Variants in KLF7 observed in about 807,000 individuals in gnomAD.
The protein encoded by KLF7 is KLF transcription factor 7.
Under a neutral mutation model 27.3 loss-of-function variants are expected in KLF7, and 2 were observed. The observed-to-expected ratio is 0.07, with a 90% confidence interval of 0.03 to 0.23. The LOEUF (loss-of-function observed/expected upper bound fraction) is 0.23, where lower values mean the gene tolerates loss of function less well. Ranked by LOEUF, KLF7 falls within the 10% of genes least tolerant of loss-of-function variation. The probability of loss-of-function intolerance (pLI) is 1.00; values close to 1 mark genes in which losing one functional copy is unlikely to be tolerated. For synonymous variants in KLF7, 165 were observed against 162.4 expected, an observed-to-expected ratio of 1.02 and a Z score of -0.12; for missense variants, 221 against 394.1, an observed-to-expected ratio of 0.56 and a Z score of 3.72.
chr2:207,172,205 G>C (rs1421894501), upstream of KLF7, among the ~76,000 whole-genome samples: 1 of 152,046 alleles, frequency 6.6e-6, no homozygotes, highest in Non-Finnish European at 1.5e-5. Context: ...GTCACTCTCT[G>C]ACCTCCTCCC....
chr2:207,104,481 T>C (rs982210723), intron 2 of KLF7, among the ~76,000 whole-genome samples: 2 of 152,246 alleles, frequency 1.3e-5, no homozygotes, highest in African/African-American at 4.8e-5. Context: ...TAGGGTTTTT[T>C]AAATCCAAGT....
chr2:207,117,759 T>C (rs948662254), intron 2 of KLF7, among the ~76,000 whole-genome samples: 2 of 152,194 alleles, frequency 1.3e-5, no homozygotes, highest in Non-Finnish European at 2.9e-5. Context: ...TACTATCACA[T>C]TGACATCATT....
At chr2:207,113,600 T>TGGGG (rs1165302237) in intron 2 of KLF7, among the ~76,000 whole-genome samples, 6 of 2,444 alleles carry the variant, frequency 2.5e-3, no homozygotes, top group African/African-American at 4.0e-3. Flanking sequence ...CAAAGTGGAA[T>TGGGG]GGGGGGTGGG....
chr2:207,141,308 A>C (rs558459623), intron 1 of KLF7, among the ~76,000 whole-genome samples: 1 of 152,318 alleles, frequency 6.6e-6, no homozygotes, highest in East Asian at 1.9e-4. Context: ...ACAAGGTCCC[A>C]TGATACAAGA....
intron 2 of KLF7, among the ~76,000 whole-genome samples, chr2:207,092,830 T>C (rs1003295476): frequency 5.9e-5 from 9 of 152,218 alleles, no homozygotes; most frequent in African/African-American, 1.7e-4. Flanking sequence ...TAGGATATTA[T>C]AAAATATATA....
intron 1 of KLF7, among the ~76,000 whole-genome samples, chr2:207,155,243 C>T (rs1016303643): frequency 6.6e-6 from 1 of 152,168 alleles, no homozygotes; most frequent in Non-Finnish European, 1.5e-5. Flanking sequence ...ATGAGATCAT[C>T]TTTAGGAAGT....
intron 2 of KLF7, among the ~76,000 whole-genome samples, chr2:207,117,771 A>C (rs1425419538): frequency 6.6e-6 from 1 of 152,208 alleles, no homozygotes; most frequent in Non-Finnish European, 1.5e-5. Context: ...GACATCATTT[A>C]AAAAGATGAA....
chr2:207,093,342 T>C (rs1381031944), intron 2 of KLF7, among the ~76,000 whole-genome samples: 1 of 152,352 alleles, frequency 6.6e-6, no homozygotes, highest in African/African-American at 2.4e-5. Flanking sequence ...ATCTGGCTCC[T>C]GGCTACCTCT....
chr2:207,128,369 A>C (rs1056265623), intron 1 of KLF7, among the ~76,000 whole-genome samples: 3 of 152,224 alleles, frequency 2.0e-5, no homozygotes, highest in African/African-American at 7.2e-5. Context: ...TTACAGTAAA[A>C]TTATGATTCA....
intron 1 of KLF7, among the ~76,000 whole-genome samples, chr2:207,134,780 T>A (rs561549732): frequency 1.1e-4 from 17 of 152,306 alleles, no homozygotes; most frequent in Non-Finnish European, 2.1e-4. Context: ...CAGGTTACAC[T>A]ACTCACTAGC....
intron 1 of KLF7, among the ~76,000 whole-genome samples, chr2:207,131,869 C>T (rs2077645769): frequency 6.6e-6 from 1 of 152,110 alleles, no homozygotes; most frequent in Non-Finnish European, 1.5e-5. Flanking sequence ...GTCCATGAGA[C>T]AATCTCAGAT....
intron 2 of KLF7, 112 bp from the exon 3 acceptor site, chr2:207,088,693 C>T (rs769968143): frequency 1.4e-4 from 167 of 1,158,544 alleles, no homozygotes; most frequent in Non-Finnish European, 1.8e-4. Context: ...TTAACTCATT[C>T]CTGAAAGACT....
chr2:207,118,728 A>C (rs180973541), intron 2 of KLF7, among the ~76,000 whole-genome samples: 1 of 152,364 alleles, frequency 6.6e-6, no homozygotes, highest in Non-Finnish European at 1.5e-5. Flanking sequence ...TAAAAGGGTT[A>C]ATATTTGTAA....
chr2:207,091,144 C>T (rs1221358372), intron 2 of KLF7, among the ~76,000 whole-genome samples: 2 of 152,154 alleles, frequency 1.3e-5, no homozygotes, highest in Non-Finnish European at 2.9e-5. Context: ...ACAGGAAGGG[C>T]AGATAAAATG....
At chr2:207,159,527 A>C (rs562305669) in intron 1 of KLF7, among the ~76,000 whole-genome samples, 16 of 152,342 alleles carry the variant, frequency 1.1e-4, no homozygotes, top group African/African-American at 3.8e-4. Context: ...CCTAGAGGGC[A>C]GATTCTATAT....
chr2:207,141,338 G>A (rs1025028102), intron 1 of KLF7, among the ~76,000 whole-genome samples: 3 of 152,112 alleles, frequency 2.0e-5, no homozygotes, highest in African/African-American at 7.2e-5. Flanking sequence ...TGTCCTTAGG[G>A]TGCTGCAGTA....
At chr2:207,138,695 C>T (rs2106049003) in intron 1 of KLF7, among the ~76,000 whole-genome samples, 1 of 152,296 alleles carries the variant, frequency 6.6e-6, no homozygotes, top group East Asian at 1.9e-4. Flanking sequence ...GCCCTACTTA[C>T]TAGAATAAAA....
chr2:207,134,097 ACAT>A, intron 1 of KLF7: 1 of 1,533,824 alleles, frequency 6.5e-7, no homozygotes, highest in Non-Finnish European at 8.7e-7. Flanking sequence ...CGAACCAGTT[ACAT>A]CATCTCCCCT....
intron 1 of KLF7, among the ~76,000 whole-genome samples, chr2:207,150,595 T>C (rs2078215415): frequency 1.3e-5 from 2 of 152,256 alleles, no homozygotes; most frequent in Admixed American, 6.5e-5. Flanking sequence ...AGAGCAATCC[T>C]ACTATCATAA....
Sources: gnomAD v4.1 joint callset for allele counts (sites outside exome capture counted in the v4.1 genomes callset) on GRCh38, gnomAD v4.1.1 for gene constraint, MANE v1.5 for transcripts, NCBI Gene and HGNC (gene_info 2026-07-23, HGNC 2026-07-21) for gene names.